LARGE1: variants seen among roughly 807,000 people sequenced by gnomAD.
The protein encoded by LARGE1 is LARGE xylosyl- and glucuronyltransferase 1.
A neutral mutation model predicts 87.6 loss-of-function variants in LARGE1; 43 were observed. The ratio of observed to expected loss-of-function variants is 0.49; its 90% CI spans 0.38 to 0.63. LARGE1 has a LOEUF of 0.63. Ranked by LOEUF, LARGE1 falls within the 30% of genes least tolerant of loss-of-function variation. The pLI is 0.00. For synonymous variants in LARGE1, 434 were observed against 394.6 expected, an observed-to-expected ratio of 1.10 and a Z score of -1.18; for missense variants, 802 against 1,000.2, an observed-to-expected ratio of 0.80 and a Z score of 2.67.
At chr22:33,791,286 A>T (rs2085816009) in intron 1 of LARGE1, among the ~76,000 whole-genome samples, 3 of 152,208 alleles carry the variant, frequency 2.0e-5, no homozygotes, top group Non-Finnish European at 4.4e-5. Flanking sequence ...CAAAAAAATT[A>T]AAAAAGAAGA....
chr22:33,190,010 G>C (rs1222629295), intron 11 of LARGE1, among the ~76,000 whole-genome samples: 2 of 152,036 alleles, frequency 1.3e-5, no homozygotes, highest in African/African-American at 4.8e-5. Context: ...TACACTACTG[G>C]GATTATCCAT....
chr22:33,222,196 G>A (rs1925489216), intron 11 of LARGE1, among the ~76,000 whole-genome samples: 1 of 152,192 alleles, frequency 6.6e-6, no homozygotes, highest in South Asian at 2.1e-4. Flanking sequence ...AAGAAAAAGG[G>A]CAGAGAAGTT....
chr22:33,241,326 G>A (rs916953560), intron 11 of LARGE1, among the ~76,000 whole-genome samples: 2 of 152,048 alleles, frequency 1.3e-5, no homozygotes, highest in African/African-American at 4.8e-5. Flanking sequence ...GATTCTTCAA[G>A]GCTGGTTGAG....
rs894829920 is a variant in LARGE1 at position 33,872,505 on chromosome 22, TCACCACCAA to T, written c.-83+47481_-83+47489del. Among the ~76,000 whole-genome samples the T allele has an allele frequency of 3.9e-4, 59 of 151,836 alleles. 1 individual carries two copies. Among genetic ancestry groups the T allele is most frequent in the Middle Eastern group, 3.2e-3 (1 of 316 alleles). The stretch of plus-strand genomic sequence containing the variant: ...AGTGTCATCATCGCCATCCCCATCA[TCACCACCAA>T]CACCGCCACCCCCCCAGCGACACAC... On this transcript the variant is annotated intron_variant, in intron 1 of 14. Transcript: ENST00000397394.
chr22:33,530,936 T>C (rs1176707709), intron 6 of LARGE1, among the ~76,000 whole-genome samples: 1 of 152,214 alleles, frequency 6.6e-6, no homozygotes, highest in African/African-American at 2.4e-5. Context: ...GACTCAGGAA[T>C]TGCAGAGCTT....
At chr22:33,484,599 G>A (rs941952055) in intron 6 of LARGE1, among the ~76,000 whole-genome samples, 2 of 152,190 alleles carry the variant, frequency 1.3e-5, no homozygotes, top group African/African-American at 4.8e-5. Flanking sequence ...CATGACAGAG[G>A]TGCTTCCACG....
At chr22:33,293,872 CTG>C (rs1932907553) in intron 12 of LARGE1, among the ~76,000 whole-genome samples, 1 of 152,220 alleles carries the variant, frequency 6.6e-6, no homozygotes, top group Non-Finnish European at 1.5e-5. Context: ...GTCTTTGACT[CTG>C]TGGATCTGGC....
chr22:33,230,529 A>T (rs1321734878), intron 11 of LARGE1, among the ~76,000 whole-genome samples: 3 of 152,212 alleles, frequency 2.0e-5, no homozygotes, highest in East Asian at 1.9e-4. Context: ...GAAAACAAAC[A>T]TGTCTTTTTC....
At chr22:33,452,850 A>G (rs12167460) in intron 6 of LARGE1, among the ~76,000 whole-genome samples, 3,281 of 152,324 alleles carry the variant, frequency 0.022, 113 homozygotes, top group African/African-American at 0.075. Context: ...ATTAATGGAT[A>G]CTATAGCTTA....
rs557373914 is a variant in LARGE1 at position 33,233,657 on chromosome 22, T to C, written c.1731-66825A>G. Among the ~76,000 whole-genome samples the C allele has an allele frequency of 2.6e-5, 4 of 152,230 alleles. No homozygotes were observed. The South Asian group carries it at 8.3e-4, about 32-fold the overall frequency. ...AGGGAACACCTAGCTTCAATGTTGG[T>C]GAAAGTCCCTAAGAAAAGGGCCTTG... On this transcript the variant is annotated intron_variant, in intron 11 of 11. Coordinates refer to the LARGE1 transcript ENST00000608642.
chr22:33,447,326 A>C (rs534859578), intron 6 of LARGE1, among the ~76,000 whole-genome samples: 3 of 152,226 alleles, frequency 2.0e-5, no homozygotes, highest in African/African-American at 7.2e-5. Context: ...ATACACAAGC[A>C]TGGAGATGAG....
At chr22:33,902,748 T>C (rs2065319436) in intron 1 of LARGE1, among the ~76,000 whole-genome samples, 1 of 152,212 alleles carries the variant, frequency 6.6e-6, no homozygotes. Flanking sequence ...TGTTATAGGC[T>C]GAATTACATC....
intron 4 of LARGE1, among the ~76,000 whole-genome samples, chr22:33,622,539 T>C (rs919426625): frequency 6.6e-6 from 1 of 152,234 alleles, no homozygotes; most frequent in Non-Finnish European, 1.5e-5. Context: ...ATAAACTGCA[T>C]GCCTTTCATA....
chr22:33,921,672 C>T (rs940963365), upstream of LARGE1, among the ~76,000 whole-genome samples: 12 of 152,136 alleles, frequency 7.9e-5, no homozygotes, highest in African/African-American at 2.9e-4. The surrounding 1 kb of genome is among the most constrained non-coding windows in gnomAD (Gnocchi z 4.1). Context: ...ACCCCAAACA[C>T]ACACCCCATG....
intron 6 of LARGE1, among the ~76,000 whole-genome samples, chr22:33,452,003 G>C (rs147257252): frequency 6.6e-6 from 1 of 152,312 alleles, no homozygotes; most frequent in African/African-American, 2.4e-5. Context: ...TTCACAAGGA[G>C]TCAGAGATCG....
At chr22:33,368,022 A>G (rs927513057) in intron 9 of LARGE1, among the ~76,000 whole-genome samples, 4 of 152,198 alleles carry the variant, frequency 2.6e-5, no homozygotes, top group Admixed American at 1.3e-4. Context: ...TGCTTTCTTC[A>G]GAGAACTATA....
In LARGE1 at chr22:33,761,507, C is replaced by A. The variant is rs117199378; in HGVS notation, c.-31G>T. On this transcript the variant is annotated 5_prime_UTR_variant, in exon 2 of 15. Coordinates refer to ENST00000397394, the MANE Select transcript of LARGE1 (RefSeq NM_133642.5). ...CAGAAGTGGCAATCCCTAATCCCAGCGCCGTTTCTCTGTCCGGAGCATGAA... is the reference window on the plus strand; with the variant it reads ...CAGAAGTGGCAATCCCTAATCCCAGAGCCGTTTCTCTGTCCGGAGCATGAA... The A allele has an allele frequency of 1.9e-6, 3 of 1,552,470 alleles. No individual in the cohort carries two copies. The highest frequency in any genetic ancestry group is 2.2e-5 in the East Asian group (1 of 44,496).
intron 6 of LARGE1, among the ~76,000 whole-genome samples, chr22:33,438,939 G>C (rs565066833): frequency 6.6e-6 from 1 of 152,050 alleles, no homozygotes; most frequent in African/African-American, 2.4e-5. Context: ...GGCCGGGCGC[G>C]GTGGCTCACA....
At chr22:33,557,520 T>C (rs962914643) in intron 6 of LARGE1, among the ~76,000 whole-genome samples, 5 of 152,096 alleles carry the variant, frequency 3.3e-5, no homozygotes, top group Admixed American at 1.3e-4. Context: ...CCATGAAAAC[T>C]GGTAGTGAGG....
Sources: allele counts gnomAD v4.1 joint callset (sites outside exome capture counted in the v4.1 genomes callset), GRCh38; gene constraint gnomAD v4.1.1; non-coding constraint Gnocchi (gnomAD v3.1); transcripts MANE v1.5; gene names NCBI Gene and HGNC (gene_info 2026-07-23, HGNC 2026-07-21).